Variants in DPH6 observed in about 807,000 individuals in gnomAD.
DPH6 encodes the protein diphthamine biosynthesis 6.
In DPH6, 33 loss-of-function variants were observed where a neutral mutation model predicts 38.2. The ratio of observed to expected loss-of-function variants is 0.86; its 90% CI spans 0.65 to 1.15. The LOEUF is 1.15. Ranked by LOEUF, DPH6 falls within the 50% of genes most tolerant of loss-of-function variation. The pLI is 0.00. For missense variants in DPH6, 325 were observed against 320.0 expected (o/e 1.02, Z -0.12); for synonymous variants, 108 against 103.0 (o/e 1.05, Z -0.30).
intron 3 of DPH6, among the ~76,000 whole-genome samples, chr15:35,229,212 C>A (rs1201527777): frequency 6.6e-6 from 1 of 152,068 alleles, no homozygotes; most frequent in Non-Finnish European, 1.5e-5. Context: ...TTTTCTCGAT[C>A]TTGTAGGTTT....
intron 3 of DPH6, among the ~76,000 whole-genome samples, chr15:35,304,299 T>A (rs1316754455): frequency 6.6e-6 from 1 of 152,124 alleles, no homozygotes; most frequent in Non-Finnish European, 1.5e-5. Context: ...CAAGTTCCTT[T>A]CCAATACATT....
At chr15:35,498,786 C>T (rs540513168) in intron 3 of DPH6, among the ~76,000 whole-genome samples, 4 of 151,770 alleles carry the variant, frequency 2.6e-5, no homozygotes, top group Admixed American at 6.6e-5. Flanking sequence ...GCTTTTTTTA[C>T]GTAGATGCCG....
intron 3 of DPH6, chr15:35,237,259 T>G: frequency 7.0e-7 from 1 of 1,432,114 alleles, no homozygotes; most frequent in Admixed American, 1.7e-5. Flanking sequence ...TTGAAAGTGC[T>G]AAAACGCGCG....
intron 5 of DPH6, among the ~76,000 whole-genome samples, chr15:35,430,482 C>T (rs572607104): frequency 6.6e-5 from 10 of 151,508 alleles, no homozygotes; most frequent in Admixed American, 1.3e-4. Context: ...CTAATGACTC[C>T]TGCCCAAGGC....
intron 5 of DPH6, among the ~76,000 whole-genome samples, chr15:35,426,624 A>G (rs2053573262): frequency 6.6e-6 from 1 of 151,862 alleles, no homozygotes; most frequent in South Asian, 2.1e-4. Context: ...GGAAGGCTGC[A>G]CAATTCAAGC....
chr15:35,267,519 G>A, intron 3 of DPH6, among the ~76,000 whole-genome samples: 1 of 152,108 alleles, frequency 6.6e-6, no homozygotes, highest in Non-Finnish European at 1.5e-5. Flanking sequence ...CCAATCCTAA[G>A]AGCTCTTAGC....
At chr15:35,467,010 G>A (rs766333214) in intron 3 of DPH6, among the ~76,000 whole-genome samples, 14 of 151,962 alleles carry the variant, frequency 9.2e-5, no homozygotes, top group South Asian at 8.3e-4. Flanking sequence ...CACTAATGTA[G>A]ATTATAAACA....
rs193140140 is a variant in DPH6 at position 35,241,302 on chromosome 15, G to A, written n.201-20720C>T. ...AGACCATCACGGACGCCGAGCTTTG[G>A]GTAACTCTCACAGTGGAAGGTTAAG... On this transcript the variant is annotated intron_variant and non_coding_transcript_variant, in intron 3 of 3. Coordinates refer to the DPH6 transcript ENST00000560386. Among the ~76,000 whole-genome samples, 350 of 140,568 alleles carry A rather than the reference G, an allele frequency of 2.5e-3. 36 individuals carry two copies. The highest frequency in any genetic ancestry group is 8.6e-3 in the African/African-American group (337 of 39,140). The allele number at this position is 140,568 out of a possible 152,430, so 92.2% of individuals were successfully genotyped here.
intron 3 of DPH6, chr15:35,522,075 A>T: frequency 6.2e-7 from 1 of 1,610,122 alleles, no homozygotes; most frequent in Non-Finnish European, 8.5e-7. Flanking sequence ...GTTGAGGGGA[A>T]TCAGTAAAAC....
At chr15:35,445,494 T>C (rs2053840867) in intron 5 of DPH6, among the ~76,000 whole-genome samples, 1 of 151,316 alleles carries the variant, frequency 6.6e-6, no homozygotes, top group Admixed American at 6.6e-5. Context: ...GATTTTTTTT[T>C]CAATACGTAT....
At chr15:35,431,915 G>A (rs1255435421) in intron 5 of DPH6, among the ~76,000 whole-genome samples, 2 of 152,140 alleles carry the variant, frequency 1.3e-5, no homozygotes, top group Non-Finnish European at 2.9e-5. Flanking sequence ...AGCCTCTGGA[G>A]TAGCGGGGAC....
At chr15:35,229,859 G>A (rs988662584) in intron 3 of DPH6, among the ~76,000 whole-genome samples, 12 of 152,174 alleles carry the variant, frequency 7.9e-5, no homozygotes, top group Non-Finnish European at 1.8e-4. Context: ...AAAACTCTTT[G>A]TTCTCTTCCC....
intron 3 of DPH6, chr15:35,522,305 G>T: frequency 6.2e-7 from 1 of 1,605,980 alleles, no homozygotes. Context: ...AGGAAAACGT[G>T]GCAATCAGAG....
At chr15:35,202,375 CCTT>C in the DPH6 span, among the ~76,000 whole-genome samples, 3 of 151,770 alleles carry the variant, frequency 2.0e-5, no homozygotes, top group Non-Finnish European at 4.4e-5. Context: ...GAAGGCCTCA[CCTT>C]CTTTAATAAT....
At chr15:35,521,972 C>CTAAA in intron 3 of DPH6, 1 of 1,450,308 alleles carries the variant, frequency 6.9e-7, no homozygotes, top group South Asian at 1.5e-5. Context: ...TAGGTAAGTA[C>CTAAA]TAAACTAAGC....
intron 5 of DPH6, among the ~76,000 whole-genome samples, chr15:35,439,243 AG>A: frequency 6.6e-6 from 1 of 152,368 alleles, no homozygotes; most frequent in Admixed American, 6.5e-5. Context: ...TGAAAAACTG[AG>A]TAAGCTTTTT....
At chr15:35,356,641 C>T (rs1260531263) in intron 3 of DPH6, among the ~76,000 whole-genome samples, 1 of 152,126 alleles carries the variant, frequency 6.6e-6, no homozygotes, top group Non-Finnish European at 1.5e-5. Flanking sequence ...CATTCCTCTG[C>T]AAGTTTTGTC....
At chr15:35,400,861 G>A in intron 6 of DPH6, 1 of 823,022 alleles carries the variant, frequency 1.2e-6, no homozygotes, top group Non-Finnish European at 2.1e-6. Context: ...CAGGGGCTTT[G>A]GGTTTGTCTC....
chr15:35,400,996 T>C, intron 6 of DPH6: 1 of 930,328 alleles, frequency 1.1e-6, no homozygotes, highest in South Asian at 1.3e-5. Flanking sequence ...CACTCAACTG[T>C]GAAAAAGACA....
Sources: allele counts gnomAD v4.1 joint callset (sites outside exome capture counted in the v4.1 genomes callset), GRCh38; gene constraint gnomAD v4.1.1; transcripts MANE v1.5; gene names NCBI Gene and HGNC (gene_info 2026-07-23, HGNC 2026-07-21).